HIPK4: variants seen among roughly 807,000 people sequenced by gnomAD.
HIPK4 encodes homeodomain interacting protein kinase 4, also known as homeodomain-interacting protein kinase 4.
Under a neutral mutation model 44.8 loss-of-function variants are expected in HIPK4, and 26 were observed. That is an observed-to-expected ratio of 0.58 (90% confidence interval 0.43 to 0.80). HIPK4 has a LOEUF of 0.80. HIPK4 is among the 30% of genes least tolerant of loss of function. HIPK4 has a pLI of 0.00. For missense variants in HIPK4, 729 were observed against 862.6 expected (o/e 0.85, Z 1.94); for synonymous variants, 340 against 355.5 (o/e 0.96, Z 0.49).
At chr19:40,379,896 GCCCCTT>G in intron 3 of HIPK4, 127 bp from the exon 4 acceptor site, 1 of 1,003,044 alleles carries the variant, frequency 1.0e-6, no homozygotes, top group Non-Finnish European at 1.4e-6. Context: ...GGCCTTTATT[GCCCCTT>G]TGTAGTGATG....
intron 1 of HIPK4, among the ~76,000 whole-genome samples, chr19:40,386,858 CTCTG>C (rs1387608875): frequency 6.6e-6 from 1 of 151,974 alleles, no homozygotes; most frequent in African/African-American, 2.4e-5. Context: ...ATCTCTCTCT[CTCTG>C]TCTCTCATTT....
rs2079379943 is a variant in HIPK4, at chr19:40,389,770, C to T, written c.133G>A (p.Asp45Asn). 6.2e-7 allele frequency: 1 copy of T among 1,614,202 alleles called. No homozygotes were observed. The highest frequency in any genetic ancestry group is 8.5e-7 in the Non-Finnish European group (1 of 1,180,044). ...EMVAIKILKN[D>N]AYRNRIIKNE... ...TTGATGATGCGGTTGCGGTAGGCGTCATTCTTGAGGATCTTGATGGCCACC... is the reference window on the plus strand; with the variant it reads ...TTGATGATGCGGTTGCGGTAGGCGTTATTCTTGAGGATCTTGATGGCCACC... The change falls in exon 1 of 4, where the codon GAC becomes AAC. Residue 45 changes from aspartate (D) to asparagine (N), a missense_variant. This residue lies in a region of HIPK4 where 196 missense variants were observed against 295.1 expected (regional missense o/e 0.66). Transcript: ENST00000291823. The surrounding 1 kb of genome is among the most constrained non-coding windows in gnomAD (Gnocchi z 4.6).
rs892871215 is a variant in HIPK4 at position 40,389,194 on chromosome 19, G to C, written c.465+244C>G. ...AAAAAAATTAGCTGGGCGTGGTGGC[G>C]CATCCCTGTAATCCCAGCAACTCGG... On this transcript the variant is annotated intron_variant, in intron 1 of 3. Coordinates refer to ENST00000291823, the MANE Select transcript of HIPK4 (RefSeq NM_144685.5). The surrounding 1 kb of genome is among the most constrained non-coding windows in gnomAD (Gnocchi z 4.6). Among the ~76,000 whole-genome samples, 1 of 151,096 alleles carries C rather than the reference G, an allele frequency of 6.6e-6. No individual in the cohort carries two copies. Among genetic ancestry groups the C allele is most frequent in the African/African-American group, 2.4e-5 (1 of 40,980 alleles).
At position 40,380,548 on chromosome 19, in the gene HIPK4, G is replaced by A. The variant is rs775932606; in HGVS notation, c.1443C>T (p.Arg481=). 2 of 1,611,816 alleles carry A rather than the reference G, an allele frequency of 1.2e-6. No homozygotes were observed. Among genetic ancestry groups the A allele is most frequent in the Admixed American group, 3.3e-5 (2 of 60,024 alleles). The change falls in exon 3 of 4, where the codon CGC becomes CGT. Residue 481 remains arginine, a synonymous_variant. Transcript: ENST00000291823. The surrounding 1 kb of genome is among the most constrained non-coding windows in gnomAD (Gnocchi z 4.2). The part of the protein sequence containing the change: ...PEPILAFYSS[R]LAGRHKARKP... ...TGCGGGCCTTGTGGCGGCCTGCCAG[G>A]CGGCTGCTGTAGAAGGCCAGGATGG...
intron 1 of HIPK4, among the ~76,000 whole-genome samples, chr19:40,388,692 G>T (rs1039820851): frequency 2.8e-4 from 43 of 152,350 alleles, no homozygotes; most frequent in African/African-American, 9.1e-4. Flanking sequence ...GATTAAGTCA[G>T]CCCCAGCCTT....
rs1418394965 is a variant in HIPK4 at position 40,389,477 on chromosome 19, G to A, written c.426C>T (p.Ile142=). The change falls in exon 1 of 4, where the codon ATC becomes ATT. Residue 142 remains isoleucine, a synonymous_variant. Transcript: ENST00000291823. This position sits in a 1 kb window ranked among gnomAD's most constrained non-coding sequence, Gnocchi z 4.6. ...IIHADLKPEN[I]MLVDQTRCPF... ...GGCAGCGGGTCTGGTCCACCAGCATGATGTTCTCAGGCTTGAGATCAGCGT... is the reference window on the plus strand; with the variant it reads ...GGCAGCGGGTCTGGTCCACCAGCATAATGTTCTCAGGCTTGAGATCAGCGT... 5.0e-6 allele frequency: 8 copies of A among 1,605,466 alleles called. No homozygotes were observed. The highest frequency in any genetic ancestry group is 1.7e-5 in the Admixed American group (1 of 59,710).
Position 40,383,755 on chromosome 19 carries a change from G to T in HIPK4, c.822+28C>A. On this transcript the variant is annotated intron_variant, in intron 2 of 3. Transcript: ENST00000291823. ...TTTTTCATGTAACAGCCCCCACACT[G>T]ACTGCCCTCACCCAACTTTTCCCTT... 3 of 1,558,788 alleles carry T rather than the reference G, an allele frequency of 1.9e-6. No homozygotes were observed. In the South Asian group the frequency reaches 3.5e-5, roughly 18 times the overall value.
Position 40,390,125 on chromosome 19 carries a change from C to G in HIPK4, c.-223G>C, listed in dbSNP as rs2079382196. On this transcript the variant is annotated 5_prime_UTR_variant, in exon 1 of 4. Coordinates refer to ENST00000291823, the MANE Select transcript of HIPK4 (RefSeq NM_144685.5). ...GGCTGCACCCCTCCCCAGAAACCCT[C>G]CTGGCTTGGGATGAGGGGCCCCAGG... 1.7e-6 allele frequency: 1 copy of G among 572,854 alleles called. No homozygotes were observed. Among genetic ancestry groups the G allele is most frequent in the African/African-American group, 1.9e-5 (1 of 53,360 alleles). The allele number at this position is 572,854 out of a possible 1,614,324, so 35.5% of individuals were successfully genotyped here. A position where few individuals can be genotyped will look rare whatever the true frequency, so the allele number is the denominator to read the frequency against.
At chr19:40,381,783 C>CATTTTTTTTTT (rs1568694444) in intron 2 of HIPK4, among the ~76,000 whole-genome samples, 3 of 113,288 alleles carry the variant, frequency 2.6e-5, no homozygotes, top group Admixed American at 2.0e-4. Flanking sequence ...TCACTCAGAT[C>CATTTTTTTTTT]CTTTTTTTTT....
Position 40,389,760 on chromosome 19 carries a change from C to T in HIPK4, c.143G>A (p.Arg48His), listed in dbSNP as rs778771912. The change falls in exon 1 of 4, where the codon CGC becomes CAC. Residue 48 changes from arginine to histidine, a missense_variant. Around this residue, in one of 2 missense-constraint regions of HIPK4, gnomAD observed 196 missense variants for 295.1 expected, o/e 0.66. Coordinates refer to ENST00000291823, the MANE Select transcript of HIPK4 (RefSeq NM_144685.5). The surrounding 1 kb of genome is among the most constrained non-coding windows in gnomAD (Gnocchi z 4.6). ...AIKILKNDAY[R>H]NRIIKNELKL... is the part of the protein sequence containing the mutation. ...CAGCTCGTTCTTGATGATGCGGTTGCGGTAGGCGTCATTCTTGAGGATCTT... is the reference window on the plus strand; with the variant it reads ...CAGCTCGTTCTTGATGATGCGGTTGTGGTAGGCGTCATTCTTGAGGATCTT... 1.2e-5 allele frequency: 19 copies of T among 1,614,038 alleles called. No homozygotes were observed. The highest frequency in any genetic ancestry group is 8.9e-5 in the East Asian group (4 of 44,896).
At chr19:40,383,213 G>T (rs910183578) in intron 2 of HIPK4, among the ~76,000 whole-genome samples, 1 of 148,340 alleles carries the variant, frequency 6.7e-6, no homozygotes, top group Non-Finnish European at 1.5e-5. Flanking sequence ...CCGCCGAGTA[G>T]CTGGAATTAC....
At position 40,384,069 on chromosome 19, in the gene HIPK4, C is replaced by T. The variant is rs764129980; in HGVS notation, c.536G>A (p.Arg179His). The change falls in exon 2 of 4, where the codon CGC becomes CAC. Residue 179 changes from arginine (R) to histidine (H), a missense_variant. Physicochemically the swap from Arg to His is conservative, Grantham distance 29 (BLOSUM62 0). Transcript: ENST00000291823. ...CAGGATCTCAGGGGCCCGGTAGAAGCGCGACTGGATGTATGGCTCCTTCAC... is the reference window on the plus strand; with the variant it reads ...CAGGATCTCAGGGGCCCGGTAGAAGTGCGACTGGATGTATGGCTCCTTCAC... ...RYVKEPYIQS[R>H]FYRAPEILLG... The T allele has an allele frequency of 6.2e-7, 1 of 1,612,974 alleles. No individual in the cohort carries two copies. Among genetic ancestry groups the T allele is most frequent in the Admixed American group, 1.7e-5 (1 of 59,900 alleles).
intron 1 of HIPK4, among the ~76,000 whole-genome samples, chr19:40,387,249 C>G (rs1256446902): frequency 6.6e-6 from 1 of 152,136 alleles, no homozygotes; most frequent in African/African-American, 2.4e-5. Flanking sequence ...ATCTCTGTCT[C>G]TGTGTCGTCC....
At chr19:40,385,683 C>CTTTT (rs142414559) in intron 1 of HIPK4, among the ~76,000 whole-genome samples, 393 of 66,964 alleles carry the variant, frequency 5.9e-3, no homozygotes, top group Non-Finnish European at 7.2e-3. Flanking sequence ...CTTTTCTTTT[C>CTTTT]TTTTTTTTTT....
chr19:40,385,921 T>C (rs2079361367), intron 1 of HIPK4, among the ~76,000 whole-genome samples: 1 of 151,930 alleles, frequency 6.6e-6, no homozygotes, highest in Non-Finnish European at 1.5e-5. Flanking sequence ...ATGGCCAGGC[T>C]GGTCTCGAAC....
In HIPK4 at chr19:40,383,869, G is replaced by A; in HGVS notation, c.736C>T (p.His246Tyr). Reference protein sequence around the residue: ...PHLLHAACKAHHFFKRNPHPD... With the variant: ...PHLLHAACKAYHFFKRNPHPD... ...TGGGGGTTGCGCTTGAAGAAGTGGT[G>A]GGCCTTGCAGGCGGCGTGCAACAGG... Residue 246 changes from histidine (H) to tyrosine (Y), a missense_variant, in exon 2 of 4, where the codon CAC becomes TAC. His to Tyr is a moderately conservative substitution (Grantham distance 83). Around this residue, in one of 2 missense-constraint regions of HIPK4, gnomAD observed 533 missense variants for 567.5 expected, o/e 0.94. Coordinates refer to ENST00000291823, the MANE Select transcript of HIPK4 (RefSeq NM_144685.5). The A allele has an allele frequency of 6.2e-7, 1 of 1,614,206 alleles. No homozygotes were observed. Among genetic ancestry groups the A allele is most frequent in the Middle Eastern group, 1.6e-4 (1 of 6,062 alleles).
Position 40,384,612 on chromosome 19 carries a change from GTT to G in HIPK4, c.466-475_466-474del, listed in dbSNP as rs71171565. ...GAGCCACCGCACCCAGCCTTTGTTG[GTT>G]TTTTTTTTTTTTTTTGAGACCGAGT... On this transcript the variant is annotated intron_variant, in intron 1 of 3. Transcript: ENST00000291823. Among the ~76,000 whole-genome samples, 966 of 119,084 alleles carry G rather than the reference GTT, an allele frequency of 8.1e-3. 11 individuals carry two copies. Among genetic ancestry groups the G allele is most frequent in the African/African-American group, 0.027 (834 of 31,320 alleles). The allele number at this position is 119,084 out of a possible 152,430, so 78.1% of individuals were successfully genotyped here. A position where few individuals can be genotyped will look rare whatever the true frequency, so the allele number is the denominator to read the frequency against.
chr19:40,387,742 G>A (rs571593414), intron 1 of HIPK4, among the ~76,000 whole-genome samples: 4 of 152,286 alleles, frequency 2.6e-5, no homozygotes, highest in Admixed American at 2.6e-4. Context: ...GCCTCCCAAA[G>A]TGCTGGGATT....
chr19:40,381,870 A>C (rs1456678384), intron 2 of HIPK4, among the ~76,000 whole-genome samples: 1 of 142,788 alleles, frequency 7.0e-6, no homozygotes, highest in Admixed American at 7.6e-5. Context: ...CAGTGGTACA[A>C]TCTCGGCTCA....
Sources: allele counts gnomAD v4.1 joint callset (sites outside exome capture counted in the v4.1 genomes callset), GRCh38; gene constraint gnomAD v4.1.1; regional missense constraint gnomAD v4.1.1; non-coding constraint Gnocchi (gnomAD v3.1); transcripts MANE v1.5; gene names NCBI Gene and HGNC (gene_info 2026-07-23, HGNC 2026-07-21).